The following ASAP1 variants were observed in gnomAD, a reference collection of about 807,000 sequenced individuals.
ASAP1 encodes the protein ArfGAP with SH3 domain, ankyrin repeat and PH domain 1, also known as arf-GAP with SH3 domain, ANK repeat and PH domain-containing protein 1.
ASAP1 carries 43 observed loss-of-function variants against 145.2 expected under a neutral mutation model. That is an observed-to-expected ratio of 0.30 (90% CI 0.23 to 0.38). The LOEUF (loss-of-function observed/expected upper bound fraction) is 0.38. Ranked by LOEUF, ASAP1 falls within the 10% of genes least tolerant of loss-of-function variation. The probability of loss-of-function intolerance (pLI) is 1.00; values close to 1 mark genes in which losing one functional copy is unlikely to be tolerated. For missense variants in ASAP1, 1,018 were observed against 1,355.3 expected, an observed-to-expected ratio of 0.75 and a Z score of 3.91; for synonymous variants, 546 against 515.5, an observed-to-expected ratio of 1.06 and a Z score of -0.80.
chr8:130,063,149 T>C (rs1371394470), intron 27 of ASAP1, among the ~76,000 whole-genome samples: 1 of 152,164 alleles, frequency 6.6e-6, no homozygotes, highest in Non-Finnish European at 1.5e-5. Context: ...TCTTGGGTGG[T>C]AAGACTTCAG....
intron 2 of ASAP1, among the ~76,000 whole-genome samples, chr8:130,375,188 T>G (rs1291366311): frequency 6.6e-6 from 1 of 152,138 alleles, no homozygotes; most frequent in Non-Finnish European, 1.5e-5. Context: ...GGATGGTTTA[T>G]GGTTATTGTC....
intron 3 of ASAP1, among the ~76,000 whole-genome samples, chr8:130,288,764 G>C (rs966841950): frequency 6.6e-6 from 1 of 152,186 alleles, no homozygotes; most frequent in African/African-American, 2.4e-5. Flanking sequence ...AATGCAAGAT[G>C]TTCACAGCAG....
At chr8:130,233,661 A>G (rs929644945) in intron 4 of ASAP1, among the ~76,000 whole-genome samples, 2 of 152,118 alleles carry the variant, frequency 1.3e-5, no homozygotes, top group East Asian at 3.9e-4. Flanking sequence ...TGCACTTTGT[A>G]AGCTTTCTTT....
chr8:130,299,333 A>C (rs889760590), intron 3 of ASAP1, among the ~76,000 whole-genome samples: 4 of 152,252 alleles, frequency 2.6e-5, no homozygotes, highest in African/African-American at 9.6e-5. Context: ...TTGGCAACAG[A>C]ACACTGTTTT....
intron 2 of ASAP1, among the ~76,000 whole-genome samples, chr8:130,383,797 G>T (rs1308351049): frequency 1.3e-5 from 2 of 152,194 alleles, no homozygotes; most frequent in Non-Finnish European, 2.9e-5. Flanking sequence ...CACTAGCCTT[G>T]GATTTTTCTT....
intron 9 of ASAP1, among the ~76,000 whole-genome samples, chr8:130,171,020 C>A (rs1314575116): frequency 4.6e-5 from 7 of 152,296 alleles, no homozygotes; most frequent in African/African-American, 1.7e-4. Flanking sequence ...CTGGCCTAAA[C>A]CCTTATTTTC....
intron 15 of ASAP1, among the ~76,000 whole-genome samples, chr8:130,132,598 C>T (rs1435793327): frequency 6.6e-6 from 1 of 152,186 alleles, no homozygotes; most frequent in Non-Finnish European, 1.5e-5. Flanking sequence ...TCCTCCAGCA[C>T]ATGGCCTCCT....
chr8:130,305,287 T>A (rs1034872044), intron 3 of ASAP1, among the ~76,000 whole-genome samples: 1 of 152,240 alleles, frequency 6.6e-6, no homozygotes, highest in African/African-American at 2.4e-5. Flanking sequence ...CTCTTTCTCA[T>A]TGTTCTATCC....
chr8:130,237,914 A>G (rs1818308017), intron 3 of ASAP1, among the ~76,000 whole-genome samples: 1 of 152,074 alleles, frequency 6.6e-6, no homozygotes, highest in Non-Finnish European at 1.5e-5. Flanking sequence ...CCTAGATGAT[A>G]TGTCAAGATT....
chr8:130,235,575 A>T (rs966179611), intron 4 of ASAP1, among the ~76,000 whole-genome samples: 2 of 152,324 alleles, frequency 1.3e-5, no homozygotes, highest in African/African-American at 4.8e-5. Context: ...TAAATTAGGT[A>T]TATAACTTAG....
chr8:130,195,399 A>AT (rs1396397062), intron 5 of ASAP1: 1 of 151,252 alleles, frequency 6.6e-6, no homozygotes, highest in African/African-American at 2.4e-5. Context: ...AAAAAAAAAA[A>AT]AAAGATGAGC....
intron 24 of ASAP1, among the ~76,000 whole-genome samples, chr8:130,105,817 G>C (rs1298955938): frequency 6.6e-6 from 1 of 152,192 alleles, no homozygotes; most frequent in African/African-American, 2.4e-5. Flanking sequence ...GCCCGGGCAT[G>C]ATATGTGCCA....
At chr8:130,327,116 G>C (rs1586836648) in intron 3 of ASAP1, among the ~76,000 whole-genome samples, 1 of 152,172 alleles carries the variant, frequency 6.6e-6, no homozygotes, top group African/African-American at 2.4e-5. Flanking sequence ...CAAAGGTGTT[G>C]GTAGGGCACT....
intron 3 of ASAP1, among the ~76,000 whole-genome samples, chr8:130,283,680 C>T (rs1227689152): frequency 6.7e-6 from 1 of 149,518 alleles, no homozygotes; most frequent in Non-Finnish European, 1.5e-5. Context: ...AACAGTGTTT[C>T]AGAATGGAAA....
At chr8:130,103,664 A>C (rs1455489880) in intron 24 of ASAP1, among the ~76,000 whole-genome samples, 1 of 151,894 alleles carries the variant, frequency 6.6e-6, no homozygotes, top group Non-Finnish European at 1.5e-5. Context: ...CACCACGCCC[A>C]GCTAATTTTT....
chr8:130,374,980 C>G (rs1827413540), intron 2 of ASAP1, among the ~76,000 whole-genome samples: 1 of 152,206 alleles, frequency 6.6e-6, no homozygotes. Context: ...GAATCTGCCT[C>G]TTAGCAAAGT....
chr8:130,120,802 C>T (rs1592848420), intron 18 of ASAP1, among the ~76,000 whole-genome samples: 1 of 152,166 alleles, frequency 6.6e-6, no homozygotes. Context: ...AGGCACAATG[C>T]CTTCAACTTT....
At chr8:130,126,593 C>T (rs981422274) in intron 16 of ASAP1, among the ~76,000 whole-genome samples, 3 of 152,200 alleles carry the variant, frequency 2.0e-5, no homozygotes, top group Non-Finnish European at 4.4e-5. Flanking sequence ...CTTTTTTCTA[C>T]AACCTCCAAT....
At chr8:130,170,204 T>G (rs1003728529) in intron 9 of ASAP1, among the ~76,000 whole-genome samples, 7 of 142,822 alleles carry the variant, frequency 4.9e-5, no homozygotes, top group Non-Finnish European at 7.7e-5. Context: ...TTTTTTTTTT[T>G]GAGATGGAGT....
Sources: allele counts gnomAD v4.1 joint callset (sites outside exome capture counted in the v4.1 genomes callset), GRCh38; gene constraint gnomAD v4.1.1; transcripts MANE v1.5; gene names NCBI Gene and HGNC (gene_info 2026-07-23, HGNC 2026-07-21).